Variants in FOXP1 observed in about 807,000 individuals in gnomAD.
The protein encoded by FOXP1 is forkhead box protein P1.
Under a neutral mutation model 98.2 loss-of-function variants are expected in FOXP1, and 15 were observed. The ratio of observed to expected loss-of-function variants is 0.15; its 90% CI spans 0.10 to 0.24. The LOEUF is 0.24. Ranked by LOEUF, FOXP1 falls within the 10% of genes least tolerant of loss-of-function variation. The pLI is 1.00. For missense variants in FOXP1, 633 were observed against 848.5 expected (o/e 0.75, Z 3.15); for synonymous variants, 371 against 314.5 (o/e 1.18, Z -1.90).
Position 71,232,877 on chromosome 3 carries a change from CAAAA to C in FOXP1, c.-11-34489_-11-34486del, listed in dbSNP as rs59404230. ...CGTGCCACAGAGCAAAACTCTGTCT[CAAAA>C]AAAAAAAAAAAAAAAGCAAGAAAAA... On this transcript the variant is annotated intron_variant, in intron 5 of 20. Coordinates refer to ENST00000649528, the MANE Select transcript of FOXP1 (RefSeq NM_001349338.3). Among the ~76,000 whole-genome samples, 9 of 31,420 alleles carry C rather than the reference CAAAA, an allele frequency of 2.9e-4. 1 individual carries two copies. Among genetic ancestry groups the C allele is most frequent in the East Asian group, 2.7e-3 (2 of 748 alleles). The allele number at this position is 31,420 out of a possible 152,430, so 20.6% of individuals were successfully genotyped here.
intron 5 of FOXP1, among the ~76,000 whole-genome samples, chr3:71,223,751 T>C (rs1428635979): frequency 2.0e-5 from 3 of 151,928 alleles, no homozygotes; most frequent in Admixed American, 6.6e-5. Flanking sequence ...ATGCATTTTA[T>C]TTTTATGCTG....
chr3:71,411,985 A>C (rs958867967), intron 3 of FOXP1, among the ~76,000 whole-genome samples: 11 of 152,228 alleles, frequency 7.2e-5, no homozygotes, highest in Admixed American at 4.6e-4. Context: ...TAAAAGTCTC[A>C]AAAATGATGA....
chr3:70,960,804 G>A (rs1269295978), intron 20 of FOXP1, among the ~76,000 whole-genome samples: 1 of 151,784 alleles, frequency 6.6e-6, no homozygotes, highest in African/African-American at 2.4e-5. Flanking sequence ...AGCCTAGAGA[G>A]CATTTAGGGG....
At chr3:71,371,918 T>G (rs2107988704) in intron 3 of FOXP1, among the ~76,000 whole-genome samples, 1 of 152,332 alleles carries the variant, frequency 6.6e-6, no homozygotes, top group East Asian at 1.9e-4. Context: ...ACTCGGCTTA[T>G]TCCTTACTCT....
At chr3:71,229,169 C>A (rs142896287) in intron 5 of FOXP1, among the ~76,000 whole-genome samples, 1 of 152,084 alleles carries the variant, frequency 6.6e-6, no homozygotes, top group East Asian at 1.9e-4. Context: ...CAGTTTTAGC[C>A]GAGATACCAG....
intron 19 of FOXP1, chr3:70,968,470 C>G (rs548639179): frequency 1.4e-5 from 2 of 147,302 alleles, no homozygotes; most frequent in South Asian, 4.4e-4. Flanking sequence ...GGTTTCATAT[C>G]AAGCTGGCAC....
At chr3:71,473,672 T>C (rs1225076164) in intron 3 of FOXP1, among the ~76,000 whole-genome samples, 1 of 105,174 alleles carries the variant, frequency 9.5e-6, no homozygotes, top group Non-Finnish European at 1.8e-5. Flanking sequence ...CCAAATCAAA[T>C]GTCCAACAGA....
intron 7 of FOXP1, among the ~76,000 whole-genome samples, chr3:71,093,983 T>A (rs1449552284): frequency 1.3e-5 from 2 of 152,192 alleles, no homozygotes; most frequent in African/African-American, 4.8e-5. Flanking sequence ...TTCTTGTTTT[T>A]CATGTGTTTT....
chr3:71,025,476 T>C (rs978495798), intron 11 of FOXP1, among the ~76,000 whole-genome samples: 1 of 152,146 alleles, frequency 6.6e-6, no homozygotes, highest in African/African-American at 2.4e-5. Context: ...GTCACAAGGA[T>C]GCCCTCTTTA....
intron 7 of FOXP1, among the ~76,000 whole-genome samples, chr3:71,056,069 A>G (rs545395860): frequency 6.6e-6 from 1 of 152,344 alleles, no homozygotes; most frequent in East Asian, 1.9e-4. Context: ...GGCGATGGAA[A>G]TGTCCATATC....
chr3:71,413,351 A>T (rs1462910499), intron 3 of FOXP1, among the ~76,000 whole-genome samples: 1 of 151,016 alleles, frequency 6.6e-6, no homozygotes. Flanking sequence ...CATATGACAC[A>T]ATGCTGCGCT....
intron 2 of FOXP1, among the ~76,000 whole-genome samples, chr3:71,538,643 A>G (rs2044507375): frequency 6.6e-6 from 1 of 152,210 alleles, no homozygotes; most frequent in Admixed American, 6.5e-5. Context: ...TTTTCTGTAG[A>G]TAGACAATTT....
At chr3:71,095,228 A>C (rs1305487682) in intron 7 of FOXP1, among the ~76,000 whole-genome samples, 3 of 152,238 alleles carry the variant, frequency 2.0e-5, no homozygotes, top group African/African-American at 7.2e-5. Flanking sequence ...TTTTGTAGGA[A>C]TCCAATTGGT....
At chr3:71,362,008 G>A (rs973136593) in intron 3 of FOXP1, among the ~76,000 whole-genome samples, 1 of 152,148 alleles carries the variant, frequency 6.6e-6, no homozygotes, top group Non-Finnish European at 1.5e-5. Context: ...AAATGTCATG[G>A]AGTACCAAGA....
intron 17 of FOXP1, among the ~76,000 whole-genome samples, chr3:70,974,244 C>CTTGA (rs1354181336): frequency 2.0e-5 from 3 of 151,832 alleles, no homozygotes; most frequent in Non-Finnish European, 4.4e-5. Context: ...ATGTCATACA[C>CTTGA]TTGATAGGAC....
At chr3:71,325,874 C>A (rs2075660217) in intron 4 of FOXP1, among the ~76,000 whole-genome samples, 1 of 152,116 alleles carries the variant, frequency 6.6e-6, no homozygotes, top group South Asian at 2.1e-4. Context: ...TATGAAACAT[C>A]TGTGGGATTT....
chr3:71,356,186 C>T (rs551639380), intron 4 of FOXP1, among the ~76,000 whole-genome samples: 3 of 133,994 alleles, frequency 2.2e-5, no homozygotes, highest in Non-Finnish European at 3.1e-5. Flanking sequence ...ATTCTGCTTG[C>T]GAGGCAGGAC....
At chr3:71,330,986 C>T (rs1172739577) in intron 4 of FOXP1, among the ~76,000 whole-genome samples, 4 of 152,248 alleles carry the variant, frequency 2.6e-5, no homozygotes, top group African/African-American at 9.6e-5. Flanking sequence ...CCCTCGCAGC[C>T]CTCGCTTGCT....
At chr3:71,433,475 A>T (rs1016513959) in intron 3 of FOXP1, among the ~76,000 whole-genome samples, 1 of 152,226 alleles carries the variant, frequency 6.6e-6, no homozygotes, top group Admixed American at 6.5e-5. Flanking sequence ...AAACATGCAA[A>T]GGCTTCCAAT....
Sources: allele counts gnomAD v4.1 joint callset (sites outside exome capture counted in the v4.1 genomes callset), GRCh38; gene constraint gnomAD v4.1.1; transcripts MANE v1.5; gene names NCBI Gene and HGNC (gene_info 2026-07-23, HGNC 2026-07-21).